Variants in STARD13 observed in about 807,000 individuals in gnomAD.
STARD13 encodes the protein StAR related lipid transfer domain containing 13, also known as stAR-related lipid transfer protein 13.
In STARD13, 62 loss-of-function variants were observed where a neutral mutation model predicts 106.4. That is an observed-to-expected ratio of 0.58 (90% CI 0.48 to 0.72). The LOEUF (loss-of-function observed/expected upper bound fraction) is 0.72, where lower values mean the gene tolerates loss of function less well. Ranked by LOEUF, STARD13 falls within the 30% of genes least tolerant of loss-of-function variation. STARD13 has a pLI of 0.00. For missense variants in STARD13, 1,387 were observed against 1,424.0 expected (o/e 0.97, Z 0.42); for synonymous variants, 565 against 553.0 (o/e 1.02, Z -0.31).
chr13:33,524,217 T>C, the STARD13 span: 10 of 1,269,190 alleles, frequency 7.9e-6, no homozygotes, highest in Non-Finnish European at 1.0e-5. Context: ...CAGGGGCATA[T>C]GTAAGAAAAC....
the STARD13 span, among the ~76,000 whole-genome samples, chr13:33,411,607 T>G: frequency 1.3e-5 from 2 of 151,810 alleles, no homozygotes; most frequent in Non-Finnish European, 2.9e-5. Context: ...TTGGCAAGCA[T>G]AGAAAGAAGT....
the STARD13 span, among the ~76,000 whole-genome samples, chr13:33,446,819 C>A: frequency 1.3e-5 from 2 of 152,116 alleles, no homozygotes; most frequent in African/African-American, 2.4e-5. Flanking sequence ...AATAAGCATT[C>A]TTGACATCTG....
rs144228670 is a variant in STARD13, at chr13:33,243,265, A to G, written c.169+42205T>C. Among the ~76,000 whole-genome samples the G allele has an allele frequency of 2.4e-3, 362 of 152,352 alleles. 2 individuals are homozygous for G. Among genetic ancestry groups the G allele is most frequent in the African/African-American group, 8.3e-3 (347 of 41,584 alleles). ...GAGCACTTACATGTTCTAAAGCTCT[A>G]AAGTACAAAAGTAAATAGAAATGTT... On this transcript the variant is annotated intron_variant, in intron 1 of 13. Coordinates refer to ENST00000336934, the MANE Select transcript of STARD13 (RefSeq NM_178006.4).
At chr13:33,122,868 A>C (rs1438512252) in intron 7 of STARD13, among the ~76,000 whole-genome samples, 2 of 152,164 alleles carry the variant, frequency 1.3e-5, no homozygotes, top group East Asian at 1.9e-4. Flanking sequence ...CAGCCTGGCC[A>C]ACATGGTGAA....
At chr13:33,490,832 G>A in the STARD13 span, among the ~76,000 whole-genome samples, 1 of 152,238 alleles carries the variant, frequency 6.6e-6, no homozygotes, top group Non-Finnish European at 1.5e-5. Flanking sequence ...GCCGTCTGCG[G>A]GTGGCCAAGC....
chr13:33,245,052 A>G (rs1035179329), intron 1 of STARD13, among the ~76,000 whole-genome samples: 5 of 152,354 alleles, frequency 3.3e-5, no homozygotes, highest in African/African-American at 9.6e-5. Flanking sequence ...ACAGTTCCAG[A>G]CATGTCCAAT....
At chr13:33,499,604 T>TTCTTCTTCTTCTTC in the STARD13 span, among the ~76,000 whole-genome samples, 48 of 39,878 alleles carry the variant, frequency 1.2e-3, no homozygotes, top group African/African-American at 3.6e-3. Flanking sequence ...CTTCTTCTTC[T>TTCTTCTTCTTCTTC]TTCTTCTTCT....
chr13:33,498,425 A>G, the STARD13 span, among the ~76,000 whole-genome samples: 1 of 152,226 alleles, frequency 6.6e-6, no homozygotes, highest in Non-Finnish European at 1.5e-5. Flanking sequence ...GCAGTGGGTC[A>G]TGAATTCGAC....
chr13:33,531,109 C>T, the STARD13 span, among the ~76,000 whole-genome samples: 2 of 152,114 alleles, frequency 1.3e-5, no homozygotes, highest in Non-Finnish European at 2.9e-5. Flanking sequence ...CTTATGAGAT[C>T]TGATGGTTTT....
chr13:33,105,861 C>T (rs1332994772), intron 13 of STARD13, 151 bp from the exon 14 acceptor site: 8 of 671,192 alleles, frequency 1.2e-5, no homozygotes, highest in African/African-American at 8.9e-5. Flanking sequence ...GGACGTCATT[C>T]TGCCATCAGG....
the STARD13 span, among the ~76,000 whole-genome samples, chr13:33,642,394 G>A: frequency 6.6e-6 from 1 of 152,182 alleles, no homozygotes; most frequent in Non-Finnish European, 1.5e-5. Context: ...AGCAAAAGTT[G>A]GTGGGCCTGG....
At chr13:33,617,160 G>C in the STARD13 span, among the ~76,000 whole-genome samples, 37 of 152,288 alleles carry the variant, frequency 2.4e-4, no homozygotes, top group African/African-American at 8.7e-4. Context: ...AATTTAAACT[G>C]CCTGGGGGCT....
At chr13:33,623,100 A>C in the STARD13 span, among the ~76,000 whole-genome samples, 1 of 152,092 alleles carries the variant, frequency 6.6e-6, no homozygotes. Flanking sequence ...TCCATCTCAA[A>C]AGTAAAATAA....
the STARD13 span, among the ~76,000 whole-genome samples, chr13:33,477,335 T>C: frequency 1.3e-5 from 2 of 152,304 alleles, no homozygotes; most frequent in Admixed American, 1.3e-4. Flanking sequence ...TATAAGACTT[T>C]TGATTCTAAG....
chr13:33,156,036 G>A (rs1191771468), intron 3 of STARD13, among the ~76,000 whole-genome samples: 3 of 152,222 alleles, frequency 2.0e-5, no homozygotes, highest in African/African-American at 7.2e-5. Flanking sequence ...TTATGCAAAT[G>A]AATGACTGCC....
chr13:33,528,257 C>CATATATGTATATATATATAT, the STARD13 span, among the ~76,000 whole-genome samples: 2 of 92,900 alleles, frequency 2.2e-5, no homozygotes, highest in East Asian at 5.2e-4. Context: ...TATATATATA[C>CATATATGTATATATATATAT]ATATATATAT....
upstream of STARD13, among the ~76,000 whole-genome samples, chr13:33,354,405 G>A (rs2078107273): frequency 6.6e-6 from 1 of 152,216 alleles, no homozygotes; most frequent in African/African-American, 2.4e-5. Flanking sequence ...CCCAGTGGCT[G>A]GATGGATTCC....
At chr13:33,528,243 C>CATATATATGTATATATAT in the STARD13 span, among the ~76,000 whole-genome samples, 1 of 93,482 alleles carries the variant, frequency 1.1e-5, no homozygotes, top group East Asian at 2.7e-4. Context: ...TATATATATA[C>CATATATATGTATATATAT]ATATATATAT....
chr13:33,116,132 G>T (rs1415987788), intron 8 of STARD13, among the ~76,000 whole-genome samples: 1 of 151,998 alleles, frequency 6.6e-6, no homozygotes, highest in Admixed American at 6.6e-5. Context: ...TTCCTTTATG[G>T]CCCCAGCGTC....
Sources: gnomAD v4.1 joint callset for allele counts (sites outside exome capture counted in the v4.1 genomes callset) on GRCh38, gnomAD v4.1.1 for gene constraint, MANE v1.5 for transcripts, NCBI Gene and HGNC (gene_info 2026-07-23, HGNC 2026-07-21) for gene names.